The following PPP4R3A variants were observed in gnomAD, a reference collection of about 807,000 sequenced individuals.
PPP4R3A encodes protein phosphatase 4 regulatory subunit 3A.
Under a neutral mutation model 91.7 loss-of-function variants are expected in PPP4R3A, and 15 were observed. That is an observed-to-expected ratio of 0.16 (90% CI 0.11 to 0.25). PPP4R3A has a LOEUF of 0.25. Ranked by LOEUF, PPP4R3A falls within the 10% of genes least tolerant of loss-of-function variation. The pLI, the probability that PPP4R3A is intolerant of heterozygous loss-of-function variation, is 1.00. For synonymous variants in PPP4R3A, 377 were observed against 348.7 expected, an observed-to-expected ratio of 1.08 and a Z score of -0.91; for missense variants, 623 against 998.4, an observed-to-expected ratio of 0.62 and a Z score of 5.07.
rs201429161 is a variant in PPP4R3A, at chr14:91,505,459, A to C, written c.142+4047T>G. ...AGATTCTGCCTAAAAAAAAAAAAAA[A>C]ACACACACCATTTATTTCACAGGTA... is the stretch of plus-strand genomic sequence containing the variant. On this transcript the variant is annotated intron_variant, in intron 1 of 14. Transcript: ENST00000554943. Among the ~76,000 whole-genome samples, 35 of 152,066 alleles carry C rather than the reference A, an allele frequency of 2.3e-4. No homozygotes were observed. In the Middle Eastern group the frequency reaches 0.01, roughly 44 times the overall value.
chr14:91,465,351 T>A lies in PPP4R3A; in HGVS notation c.1729A>T (p.Ser577Cys). 1 of 1,608,722 alleles carries A rather than the reference T, an allele frequency of 6.2e-7. No homozygotes were observed. ...DEFYNRYIMKSFLFEPVVKAF... is the reference protein window; with the variant it reads ...DEFYNRYIMKCFLFEPVVKAF... The stretch of plus-strand genomic sequence containing the variant: ...TTCACTACTGGTTCAAACAAAAAAC[T>A]TTTCATTATGTAGCGGTTGTAAAAC... The change falls in exon 11 of 15, where the codon AGT (serine) becomes TGT (cysteine). Residue 577 changes from serine to cysteine, a missense_variant. Transcript: ENST00000554943.
rs1408740631 is a variant in PPP4R3A at position 91,457,820 on chromosome 14, T to C, written c.*939A>G. The C allele has an allele frequency of 2.0e-5, 3 of 152,764 alleles. No homozygotes were observed. In the South Asian group the frequency reaches 6.2e-4, roughly 32 times the overall value. 9.5% of individuals were successfully genotyped at this position (152,764 alleles called of 1,614,324 possible). A position where few individuals can be genotyped will look rare whatever the true frequency, so the allele number is the denominator to read the frequency against. Reference sequence around the variant, plus strand: ...TTCCCTGAATTCTCAAGACAGTTGCTGATGTAAATTTTAATATAAAATATT... The same window carrying C: ...TTCCCTGAATTCTCAAGACAGTTGCCGATGTAAATTTTAATATAAAATATT... On this transcript the variant is annotated 3_prime_UTR_variant, in exon 15 of 15. Coordinates refer to ENST00000554943, the MANE Select transcript of PPP4R3A (RefSeq NM_001366432.2).
At chr14:91,479,486 G>C (rs540976788) in intron 4 of PPP4R3A, among the ~76,000 whole-genome samples, 108 of 151,510 alleles carry the variant, frequency 7.1e-4, no homozygotes, top group South Asian at 2.7e-3. Flanking sequence ...TCCCAACTCA[G>C]CCTCCCACAT....
intron 7 of PPP4R3A, among the ~76,000 whole-genome samples, chr14:91,474,011 C>T (rs1258620434): frequency 3.3e-5 from 5 of 152,152 alleles, no homozygotes; most frequent in South Asian, 2.1e-4. Flanking sequence ...TCAGGTGATC[C>T]GCCTGCCTCA....
intron 1 of PPP4R3A, among the ~76,000 whole-genome samples, chr14:91,505,155 TA>T (rs957844984): frequency 6.6e-6 from 1 of 151,792 alleles, no homozygotes; most frequent in Non-Finnish European, 1.5e-5. Context: ...GAGAACTTAT[TA>T]AAAAAAAGAA....
At chr14:91,498,984 A>G (rs978135107) in intron 1 of PPP4R3A, among the ~76,000 whole-genome samples, 3 of 150,448 alleles carry the variant, frequency 2.0e-5, no homozygotes, top group Admixed American at 6.6e-5. Flanking sequence ...ACAGGGTTTC[A>G]CCATGTTGGC....
At position 91,481,612 on chromosome 14, in the gene PPP4R3A, G is replaced by T; in HGVS notation, c.879C>A (p.Ile293=). ...CAACAATCTCTACCTTATTGAAAAA[G>T]ATAAAAGAGTGAAGTGTTGATAACA... ...ENMLSTLHSF[I]FFNKVEIVGM... The change falls in exon 4 of 15, where the codon ATC becomes ATA. Residue 293 remains isoleucine (I), a synonymous_variant. Coordinates refer to ENST00000554943, the MANE Select transcript of PPP4R3A (RefSeq NM_001366432.2). 6.3e-7 allele frequency: 1 copy of T among 1,593,370 alleles called. No homozygotes were observed. The highest frequency in any genetic ancestry group is 8.5e-7 in the Non-Finnish European group (1 of 1,173,262).
At chr14:91,477,078 A>G (rs965018192) in intron 4 of PPP4R3A, 92 bp from the exon 5 acceptor site, 5 of 934,442 alleles carry the variant, frequency 5.4e-6, no homozygotes, top group African/African-American at 5.2e-5. Flanking sequence ...AGCAATAACT[A>G]TAAAAAGGAA....
In PPP4R3A at chr14:91,461,652, T is replaced by TTTAAATTTCCCCAAATGAGGTAAC. The variant is rs1397805152; in HGVS notation, c.2165-69_2165-46dup. The TTTAAATTTCCCCAAATGAGGTAAC allele has an allele frequency of 3.2e-6, 5 of 1,573,262 alleles. No homozygotes were observed. In the African/African-American group the frequency reaches 6.8e-5, roughly 21 times the overall value. ...CAATAGTCGTCCCCCATACTTCTTT[T>TTTAAATTTCCCCAAATGAGGTAAC]TTAAATTTCCCCAAATGAGGTAACA... On this transcript the variant is annotated intron_variant, in intron 13 of 14. Coordinates refer to ENST00000554943, the MANE Select transcript of PPP4R3A (RefSeq NM_001366432.2).
chr14:91,469,427 A>G (rs750163421), intron 10 of PPP4R3A, among the ~76,000 whole-genome samples: 20 of 152,234 alleles, frequency 1.3e-4, no homozygotes, highest in Non-Finnish European at 2.4e-4. Context: ...TCAAAGAGCT[A>G]TAAACTCCCC....
At position 91,462,737 on chromosome 14, in the gene PPP4R3A, G is replaced by T. The variant is rs1381733049; in HGVS notation, c.1971C>A (p.Asp657Glu). 2.2e-5 allele frequency: 35 copies of T among 1,613,466 alleles called. No individual in the cohort carries two copies. Among genetic ancestry groups the T allele is most frequent in the Non-Finnish European group, 3.0e-5 (35 of 1,179,766 alleles). ...GGTTTAAATATATGGTAATTTACCT[G>T]TCAAGTTTGGGATTATCTTGCCTTT... ...QRERQDNPKL[D>E]SMRSILRNHR... is the part of the protein sequence containing the mutation. Residue 657 changes from aspartate to glutamate, a missense_variant and splice_region_variant, in exon 12 of 15, where the codon GAC becomes GAA. Coordinates refer to ENST00000554943, the MANE Select transcript of PPP4R3A (RefSeq NM_001366432.2).
chr14:91,508,556 C>T (rs1891555473), intron 1 of PPP4R3A, among the ~76,000 whole-genome samples: 1 of 152,162 alleles, frequency 6.6e-6, no homozygotes, highest in African/African-American at 2.4e-5. Context: ...TAGTTTTACC[C>T]CACTTGAGTA....
At chr14:91,461,288 G>C in intron 14 of PPP4R3A, 93 bp downstream of exon 14, 1 of 1,118,578 alleles carries the variant, frequency 8.9e-7, no homozygotes, top group South Asian at 1.4e-5. Flanking sequence ...ATCAGTTCTA[G>C]GTGGCAGTAA....
intron 10 of PPP4R3A, among the ~76,000 whole-genome samples, chr14:91,466,940 A>AACACACACACAC (rs10525073): frequency 0.36 from 53,041 of 147,258 alleles, 9,710 homozygotes; most frequent in East Asian, 0.42. Flanking sequence ...GTCCTACCAT[A>AACACACACACAC]ACACACACAC....
chr14:91,468,389 T>G (rs1747036068), intron 10 of PPP4R3A, among the ~76,000 whole-genome samples: 1 of 152,074 alleles, frequency 6.6e-6, no homozygotes, highest in South Asian at 2.1e-4. Flanking sequence ...AATGACCAAG[T>G]AGGCTGGGCG....
chr14:91,488,757 TAA>T lies in PPP4R3A; in HGVS notation c.198+1988_198+1989del, dbSNP rs565005405. The stretch of plus-strand genomic sequence containing the variant: ...TGAAAATACTAAGAAATTTAAGAGG[TAA>T]AGAGGCCACGGTATAAATTCTAATA... On this transcript the variant is annotated intron_variant, in intron 2 of 14. Coordinates refer to ENST00000554943, the MANE Select transcript of PPP4R3A (RefSeq NM_001366432.2). 1.3e-3 allele frequency among the ~76,000 whole-genome samples: 202 copies of T among 152,184 alleles called. 3 individuals carry two copies. The highest frequency in any genetic ancestry group is 4.5e-3 in the African/African-American group (186 of 41,504).
At chr14:91,490,479 C>CT (rs11462458) in intron 2 of PPP4R3A, among the ~76,000 whole-genome samples, 13,434 of 147,052 alleles carry the variant, frequency 0.091, 1,165 homozygotes, top group East Asian at 0.44. Context: ...CAATGGTCAC[C>CT]TTTTTTTTTT....
intron 1 of PPP4R3A, among the ~76,000 whole-genome samples, chr14:91,494,789 C>T (rs1890438892): frequency 6.6e-6 from 1 of 152,186 alleles, no homozygotes; most frequent in Non-Finnish European, 1.5e-5. Context: ...TCACTTTAAC[C>T]TGGGAGGTGG....
chr14:91,489,101 GTTT>G (rs1463070165), intron 2 of PPP4R3A, among the ~76,000 whole-genome samples: 1 of 151,984 alleles, frequency 6.6e-6, no homozygotes, highest in Non-Finnish European at 1.5e-5. Flanking sequence ...TAGAGACGGG[GTTT>G]CACCGTGTTA....
Sources: gnomAD v4.1 joint callset for allele counts (sites outside exome capture counted in the v4.1 genomes callset) on GRCh38, gnomAD v4.1.1 for gene constraint, MANE v1.5 for transcripts, NCBI Gene and HGNC (gene_info 2026-07-23, HGNC 2026-07-21) for gene names.